DYM: variants seen among roughly 807,000 people sequenced by gnomAD.
DYM encodes dyggve-Melchior-Clausen syndrome protein.
In DYM, 78 loss-of-function variants were observed where a neutral mutation model predicts 93.1. The observed-to-expected ratio is 0.84, with a 90% CI of 0.70 to 1.01. DYM has a LOEUF of 1.01. Among genes scored for constraint, DYM ranks in the 50% least tolerant of loss-of-function variants. The probability of loss-of-function intolerance (pLI) is 0.00; values close to 1 mark genes in which losing one functional copy is unlikely to be tolerated. For synonymous variants in DYM, 321 were observed against 319.7 expected (o/e 1.00, Z -0.04); for missense variants, 789 against 845.0 (o/e 0.93, Z 0.82).
At chr18:49,079,549 C>T (rs1003953954) in intron 17 of DYM, among the ~76,000 whole-genome samples, 45 of 151,956 alleles carry the variant, frequency 3.0e-4, no homozygotes, top group African/African-American at 5.8e-4. Context: ...GAGGACCCTG[C>T]GGCCTTCCGC....
intron 14 of DYM, among the ~76,000 whole-genome samples, chr18:49,184,949 G>A (rs1459568350): frequency 2.6e-5 from 4 of 152,174 alleles, no homozygotes; most frequent in Admixed American, 2.0e-4. Context: ...CAGAAGGAAT[G>A]AGGAGTGCTA....
At chr18:49,387,316 G>A (rs893089071) in intron 3 of DYM, among the ~76,000 whole-genome samples, 3 of 151,934 alleles carry the variant, frequency 2.0e-5, no homozygotes, top group African/African-American at 7.3e-5. Flanking sequence ...TCACTCTGTC[G>A]CCCAGGCTGG....
At chr18:49,389,648 C>T (rs974588926) in intron 3 of DYM, among the ~76,000 whole-genome samples, 2 of 152,042 alleles carry the variant, frequency 1.3e-5, no homozygotes, top group Non-Finnish European at 2.9e-5. Context: ...AGGCACATGC[C>T]ACCATGCCTG....
At chr18:49,213,468 A>C (rs925683850) in intron 13 of DYM, among the ~76,000 whole-genome samples, 1 of 152,098 alleles carries the variant, frequency 6.6e-6, no homozygotes, top group Non-Finnish European at 1.5e-5. Context: ...GGCGCATGCC[A>C]CCATGCCCAG....
chr18:49,421,025 G>T (rs185831420), intron 2 of DYM, among the ~76,000 whole-genome samples: 2 of 152,108 alleles, frequency 1.3e-5, no homozygotes, highest in Non-Finnish European at 1.5e-5. Context: ...AGCCCAAACC[G>T]CAGCTCAAGG....
chr18:49,252,356 C>A (rs1371515952), intron 13 of DYM, among the ~76,000 whole-genome samples: 1 of 151,486 alleles, frequency 6.6e-6, no homozygotes, highest in Non-Finnish European at 1.5e-5. Context: ...GAAGGAGAAG[C>A]ACGGCACCTT....
intron 15 of DYM, among the ~76,000 whole-genome samples, chr18:49,128,983 T>C (rs2083106956): frequency 6.6e-6 from 1 of 152,204 alleles, no homozygotes; most frequent in Non-Finnish European, 1.5e-5. Flanking sequence ...TGTAAACCTG[T>C]GTGTCATGGA....
chr18:49,227,549 C>T (rs773501365), intron 13 of DYM, among the ~76,000 whole-genome samples: 5 of 152,080 alleles, frequency 3.3e-5, no homozygotes, highest in East Asian at 1.9e-4. Context: ...TGGATATACA[C>T]GGAAACATCC....
intron 8 of DYM, among the ~76,000 whole-genome samples, chr18:49,294,963 A>G (rs2060428508): frequency 6.6e-6 from 1 of 152,206 alleles, no homozygotes; most frequent in Admixed American, 6.5e-5. Context: ...TGTTCAGTCA[A>G]CATCTATAAA....
intron 1 of DYM, among the ~76,000 whole-genome samples, chr18:49,440,110 T>C (rs2081210029): frequency 6.9e-6 from 1 of 145,446 alleles, no homozygotes; most frequent in South Asian, 2.2e-4. Context: ...ATACATAAAG[T>C]CAATCTCCTC....
chr18:49,255,941 G>A (rs556900300), intron 13 of DYM, among the ~76,000 whole-genome samples: 4 of 151,090 alleles, frequency 2.6e-5, no homozygotes, highest in East Asian at 2.0e-4. Context: ...AAAATTAGCC[G>A]GGTGTGGTGG....
intron 15 of DYM, among the ~76,000 whole-genome samples, chr18:49,130,064 T>G (rs1030150300): frequency 5.3e-5 from 8 of 152,172 alleles, no homozygotes; most frequent in Non-Finnish European, 1.2e-4. Flanking sequence ...ACAGGTCTGC[T>G]ACCACTGGAG....
At chr18:49,284,894 T>G (rs1035685833) in intron 9 of DYM, among the ~76,000 whole-genome samples, 5 of 152,164 alleles carry the variant, frequency 3.3e-5, no homozygotes, top group African/African-American at 7.2e-5. Context: ...TAATCTCCAA[T>G]GAAATAAAGT....
At chr18:49,218,714 A>G (rs1477924583) in intron 13 of DYM, among the ~76,000 whole-genome samples, 1 of 152,214 alleles carries the variant, frequency 6.6e-6, no homozygotes, top group African/African-American at 2.4e-5. Context: ...CAATGAGAAC[A>G]AAGACACAAC....
intron 6 of DYM, among the ~76,000 whole-genome samples, chr18:49,354,226 G>A (rs1028550485): frequency 6.6e-5 from 10 of 151,950 alleles, no homozygotes; most frequent in African/African-American, 2.4e-4. Flanking sequence ...GCAAAAAAAA[G>A]ACAGATCTAA....
At chr18:49,374,626 T>G (rs538159097) in intron 5 of DYM, among the ~76,000 whole-genome samples, 1 of 152,306 alleles carries the variant, frequency 6.6e-6, no homozygotes, top group East Asian at 1.9e-4. Context: ...CTCAGCTCCC[T>G]TTTCCAAGGT....
intron 14 of DYM, among the ~76,000 whole-genome samples, chr18:49,208,059 T>A (rs143684912): frequency 2.0e-5 from 3 of 151,706 alleles, no homozygotes; most frequent in African/African-American, 7.3e-5. Context: ...GGTGCACACC[T>A]GTAATCCCAG....
chr18:49,199,992 A>G (rs2091863208), intron 14 of DYM, among the ~76,000 whole-genome samples: 1 of 152,194 alleles, frequency 6.6e-6, no homozygotes, highest in Non-Finnish European at 1.5e-5. Context: ...AAGAAAAGAA[A>G]AAAAAAGAAG....
chr18:49,323,078 G>T (rs1016608454), intron 8 of DYM, among the ~76,000 whole-genome samples: 2 of 152,118 alleles, frequency 1.3e-5, no homozygotes, highest in Admixed American at 1.3e-4. Flanking sequence ...CAATGTAAGT[G>T]GTGGCCCTCA....
Sources: allele counts gnomAD v4.1 joint callset (sites outside exome capture counted in the v4.1 genomes callset), GRCh38; gene constraint gnomAD v4.1.1; transcripts MANE v1.5; gene names NCBI Gene and HGNC (gene_info 2026-07-23, HGNC 2026-07-21).